The following PAWR variants were observed in gnomAD, a reference collection of about 807,000 sequenced individuals.
The protein encoded by PAWR is PRKC apoptosis WT1 regulator protein.
A neutral mutation model predicts 32.0 loss-of-function variants in PAWR; 23 were observed. That is an observed-to-expected ratio of 0.72 (90% CI 0.52 to 1.02). PAWR has a LOEUF of 1.02. PAWR is among the 50% of genes least tolerant of loss of function. The pLI is 0.00. For missense variants in PAWR, 457 were observed against 437.7 expected (o/e 1.04, Z -0.39); for synonymous variants, 226 against 187.1 (o/e 1.21, Z -1.70).
chr12:79,645,555 G>T (rs1592527582), intron 2 of PAWR, among the ~76,000 whole-genome samples: 1 of 152,242 alleles, frequency 6.6e-6, no homozygotes, highest in Non-Finnish European at 1.5e-5. Context: ...TCCAGCTGTG[G>T]CCTAAGGAGT....
chr12:79,677,712 T>G (rs1878237427), intron 2 of PAWR, among the ~76,000 whole-genome samples: 1 of 152,110 alleles, frequency 6.6e-6, no homozygotes. Flanking sequence ...AGGAGGGAAG[T>G]ATGGAGGGAG....
intron 2 of PAWR, among the ~76,000 whole-genome samples, chr12:79,627,558 G>A (rs1376686666): frequency 1.3e-5 from 2 of 151,970 alleles, no homozygotes; most frequent in African/African-American, 4.8e-5. Context: ...CACTCTGATG[G>A]TAGTTTCTTT....
At chr12:79,687,198 C>T (rs148363640) in intron 2 of PAWR, among the ~76,000 whole-genome samples, 57 of 152,292 alleles carry the variant, frequency 3.7e-4, no homozygotes, top group African/African-American at 1.2e-3. Flanking sequence ...CATGCAGTAA[C>T]CACCCAGTTT....
intron 2 of PAWR, among the ~76,000 whole-genome samples, chr12:79,630,240 A>G (rs10778683): frequency 0.23 from 34,798 of 151,814 alleles, 10,779 homozygotes; most frequent in African/African-American, 0.71. Flanking sequence ...ATAAGTAAAA[A>G]TAAATGATAT....
chr12:79,614,198 C>T lies in PAWR; in HGVS notation c.649-589G>A, dbSNP rs367885964. On this transcript the variant is annotated intron_variant, in intron 3 of 6. Coordinates refer to ENST00000328827, the MANE Select transcript of PAWR (RefSeq NM_002583.4). The stretch of plus-strand genomic sequence containing the variant: ...GCTAATTTTGTATTTTTAGTAGAGA[C>T]GGGGTTTCTCCATGTTGGTCAGATT... Among the ~76,000 whole-genome samples, 670 of 149,520 alleles carry T rather than the reference C, an allele frequency of 4.5e-3. 1 individual carries two copies. Among genetic ancestry groups the T allele is most frequent in the Non-Finnish European group, 7.6e-3 (510 of 67,306 alleles).
chr12:79,672,974 AC>A (rs1374642965), intron 2 of PAWR, among the ~76,000 whole-genome samples: 3 of 152,206 alleles, frequency 2.0e-5, no homozygotes, highest in Non-Finnish European at 4.4e-5. Flanking sequence ...CACTACCACA[AC>A]GAAAATAATG....
rs1873411573 is a variant in PAWR at position 79,587,290 on chromosome 12, T to C, written c.*5317A>G. On this transcript the variant is annotated 3_prime_UTR_variant, in exon 7 of 7. Transcript: ENST00000328827. Reference sequence around the variant, plus strand: ...TGACATTACTGAGAAGATTTAGAGTTCTAGAAGTAGAGAAGACTGATTAGC... The same window carrying C: ...TGACATTACTGAGAAGATTTAGAGTCCTAGAAGTAGAGAAGACTGATTAGC... The C allele has an allele frequency of 6.6e-6, 1 of 152,132 alleles. No homozygotes were observed. Among genetic ancestry groups the C allele is most frequent in the African/African-American group, 2.4e-5 (1 of 41,522 alleles). The allele number at this position is 152,132 out of a possible 1,614,324, so 9.4% of individuals were successfully genotyped here.
At chr12:79,615,440 C>A (rs1318854840) in intron 3 of PAWR, among the ~76,000 whole-genome samples, 1 of 152,188 alleles carries the variant, frequency 6.6e-6, no homozygotes, top group Non-Finnish European at 1.5e-5. Context: ...ACTTGAGCGA[C>A]TGTGTATGTG....
Position 79,587,190 on chromosome 12 carries a change from G to A in PAWR, c.*5417C>T, listed in dbSNP as rs1290293864. ...ATTTACTGGCTTGCTAGTGGAATAC[G>A]TCCTTATATAGGGACTTGAAGAGTT... is the stretch of plus-strand genomic sequence containing the variant. On this transcript the variant is annotated 3_prime_UTR_variant, in exon 7 of 7. Transcript: ENST00000328827. 5 of 152,008 alleles carry A rather than the reference G, an allele frequency of 3.3e-5. No individual in the cohort carries two copies. The highest frequency in any genetic ancestry group is 7.4e-5 in the Non-Finnish European group (5 of 67,938). 9.4% of individuals were successfully genotyped at this position (152,008 alleles called of 1,614,324 possible).
At chr12:79,634,203 G>A (rs1875851235) in intron 2 of PAWR, among the ~76,000 whole-genome samples, 1 of 152,054 alleles carries the variant, frequency 6.6e-6, no homozygotes, top group African/African-American at 2.4e-5. Context: ...TCTGAAAACA[G>A]TTTTCAAAAT....
chr12:79,664,962 T>C (rs753480423), intron 2 of PAWR, among the ~76,000 whole-genome samples: 9 of 152,140 alleles, frequency 5.9e-5, no homozygotes, highest in Non-Finnish European at 1.0e-4. Context: ...ATTTCCAACT[T>C]GGAAGGAGGA....
At chr12:79,683,605 C>CTT (rs78796038) in intron 2 of PAWR, among the ~76,000 whole-genome samples, 4 of 136,936 alleles carry the variant, frequency 2.9e-5, no homozygotes, top group African/African-American at 1.1e-4. Context: ...GTGGAAACTC[C>CTT]TTTTTTTTTT....
At chr12:79,606,469 T>C (rs1326536450) in intron 4 of PAWR, among the ~76,000 whole-genome samples, 1 of 152,200 alleles carries the variant, frequency 6.6e-6, no homozygotes. Flanking sequence ...TTCATTATAA[T>C]GAAGAAACTC....
chr12:79,592,690 G>C lies in PAWR; in HGVS notation c.940C>G (p.Leu314Val). 1.4e-6 allele frequency: 1 copy of C among 733,176 alleles called. No homozygotes were observed. The highest frequency in any genetic ancestry group is 2.3e-5 in the Admixed American group (1 of 43,602). The allele number at this position is 733,176 out of a possible 1,614,324, so 45.4% of individuals were successfully genotyped here. The change falls in exon 7 of 7, where the codon CTA becomes GTA. Residue 314 changes from leucine (L) to valine (V), a missense_variant. Physicochemically the swap from Leu to Val is conservative, Grantham distance 32. Coordinates refer to ENST00000328827, the MANE Select transcript of PAWR (RefSeq NM_002583.4). ...TCATTTTCATCTTCTATGTCATCTA[G>C]GTCCTTAAGAAAAAAAAAAGACACT... ...KEEIDLLNRD[L>V]DDIEDENEQL... is the part of the protein sequence containing the mutation.
In PAWR at chr12:79,596,497, C is replaced by T. The variant is rs760592860; in HGVS notation, c.831+14G>A. The T allele has an allele frequency of 7.3e-7, 1 of 1,369,692 alleles. No individual in the cohort carries two copies. The highest frequency in any genetic ancestry group is 1.3e-5 in the South Asian group (1 of 77,042). 84.8% of individuals were successfully genotyped at this position (1,369,692 alleles called of 1,614,324 possible). A position where few individuals can be genotyped will look rare whatever the true frequency, so the allele number is the denominator to read the frequency against. On this transcript the variant is annotated intron_variant, in intron 5 of 6. Transcript: ENST00000328827. The stretch of plus-strand genomic sequence containing the variant: ...TATTAATTTTATCAATCTTAAATAA[C>T]TTATAATCCATACCTTTTCAAGATC...
At chr12:79,621,231 T>C in intron 2 of PAWR, 24 bp from the exon 3 acceptor site, 1 of 1,562,342 alleles carries the variant, frequency 6.4e-7, no homozygotes, top group Non-Finnish European at 8.7e-7. Context: ...AGAGTTTCCA[T>C]TTTATTTCTA....
rs1208862452 is a variant in PAWR at position 79,589,898 on chromosome 12, G to C, written c.*2709C>G. The C allele has an allele frequency of 2.0e-5, 3 of 152,212 alleles. No homozygotes were observed. The South Asian group carries it at 6.2e-4, about 32-fold the overall frequency. 9.4% of individuals were successfully genotyped at this position (152,212 alleles called of 1,614,324 possible). A position where few individuals can be genotyped will look rare whatever the true frequency, so the allele number is the denominator to read the frequency against. The stretch of plus-strand genomic sequence containing the variant: ...AAATACTAACACTTTATTGACAATA[G>C]ACAAGTCTTTTAGGGTAGTGCACAT... On this transcript the variant is annotated 3_prime_UTR_variant, in exon 7 of 7. Coordinates refer to ENST00000328827, the MANE Select transcript of PAWR (RefSeq NM_002583.4).
At chr12:79,598,413 A>G (rs17005721) in intron 4 of PAWR, among the ~76,000 whole-genome samples, 335 of 152,376 alleles carry the variant, frequency 2.2e-3, no homozygotes, top group African/African-American at 7.2e-3. Flanking sequence ...ACAAGCTCGG[A>G]CATTCATTTT....
chr12:79,682,426 ATAT>A (rs1450047024), intron 2 of PAWR, among the ~76,000 whole-genome samples: 2 of 152,222 alleles, frequency 1.3e-5, no homozygotes, highest in Non-Finnish European at 2.9e-5. Context: ...ACCTAACAAA[ATAT>A]TAATTTTCAG....
Sources: gnomAD v4.1 joint callset for allele counts (sites outside exome capture counted in the v4.1 genomes callset) on GRCh38, gnomAD v4.1.1 for gene constraint, MANE v1.5 for transcripts, NCBI Gene and HGNC (gene_info 2026-07-23, HGNC 2026-07-21) for gene names.